ENAH: variants seen among roughly 807,000 people sequenced by gnomAD.
The protein encoded by ENAH is protein enabled homolog.
A neutral mutation model predicts 78.7 loss-of-function variants in ENAH; 23 were observed. That is an observed-to-expected ratio of 0.29 (90% confidence interval 0.21 to 0.41). The LOEUF (loss-of-function observed/expected upper bound fraction) is 0.41. Among genes scored for constraint, ENAH ranks in the 10% least tolerant of loss-of-function variants. The pLI is 1.00. For synonymous variants in ENAH, 226 were observed against 241.0 expected (o/e 0.94, Z 0.58); for missense variants, 544 against 691.0 (o/e 0.79, Z 2.39).
chr1:225,625,045 T>C (rs1657695904), intron 1 of ENAH, among the ~76,000 whole-genome samples: 2 of 147,156 alleles, frequency 1.4e-5, no homozygotes, highest in Non-Finnish European at 3.1e-5. Flanking sequence ...GGAATTCCAG[T>C]GTCCCTATTC....
chr1:225,530,681 T>C (rs950477565), intron 3 of ENAH, 43 bp from the exon 4 acceptor site: 2 of 1,418,438 alleles, frequency 1.4e-6, no homozygotes, highest in Non-Finnish European at 1.0e-6. Context: ...TATTTTCATA[T>C]CTAGCTGGAC....
At chr1:225,534,262 T>TC (rs2096551118) in intron 3 of ENAH, among the ~76,000 whole-genome samples, 1 of 152,068 alleles carries the variant, frequency 6.6e-6, no homozygotes, top group African/African-American at 2.4e-5. Flanking sequence ...ACACACTTAA[T>TC]CTGCAGTGTT....
chr1:225,591,001 G>T (rs527806824), intron 1 of ENAH, among the ~76,000 whole-genome samples: 1 of 152,206 alleles, frequency 6.6e-6, no homozygotes, highest in Admixed American at 6.5e-5. Flanking sequence ...TGGCTTCATT[G>T]GTCTTATTTT....
At position 225,629,588 on chromosome 1, in the gene ENAH, GAAAA is replaced by G. The variant is rs377579413; in HGVS notation, c.5+23094_5+23097del. On this transcript the variant is annotated intron_variant, in intron 1 of 13. Coordinates refer to ENST00000366843, the MANE Select transcript of ENAH (RefSeq NM_018212.6). ...GGCAACAGAGTGAGACACTGTCCCA[GAAAA>G]AAAAAAAAAAGTAGAAGGTGGGGAA... is the stretch of plus-strand genomic sequence containing the variant. 1.9e-3 allele frequency among the ~76,000 whole-genome samples: 230 copies of G among 123,478 alleles called. 2 individuals are homozygous for G. The highest frequency in any genetic ancestry group is 6.6e-3 in the African/African-American group (218 of 33,046). 81.0% of individuals were successfully genotyped at this position (123,478 alleles called of 152,430 possible). A position where few individuals can be genotyped will look rare whatever the true frequency, so the allele number is the denominator to read the frequency against.
intron 1 of ENAH, among the ~76,000 whole-genome samples, chr1:225,630,573 G>C (rs1163091730): frequency 6.6e-6 from 1 of 152,132 alleles, no homozygotes; most frequent in Non-Finnish European, 1.5e-5. Context: ...ACTCGAAATG[G>C]TTAAAATTGT....
intron 3 of ENAH, among the ~76,000 whole-genome samples, chr1:225,542,088 C>A (rs2096592089): frequency 6.6e-6 from 1 of 152,138 alleles, no homozygotes; most frequent in African/African-American, 2.4e-5. Flanking sequence ...CACTATGTTG[C>A]CCAAGCTGGT....
At chr1:225,536,736 AATT>A (rs1159171896) in intron 3 of ENAH, among the ~76,000 whole-genome samples, 1 of 152,048 alleles carries the variant, frequency 6.6e-6, no homozygotes, top group Non-Finnish European at 1.5e-5. Flanking sequence ...CATTTTTAGA[AATT>A]ATTTAACATA....
chr1:225,645,213 C>T (rs966417323), intron 1 of ENAH, among the ~76,000 whole-genome samples: 14 of 152,168 alleles, frequency 9.2e-5, no homozygotes, highest in Non-Finnish European at 2.1e-4. Context: ...AAACAACTCA[C>T]GTAAAAAGCA....
chr1:225,604,757 C>T (rs1309693563), intron 1 of ENAH, among the ~76,000 whole-genome samples: 1 of 152,036 alleles, frequency 6.6e-6, no homozygotes, highest in African/African-American at 2.4e-5. Flanking sequence ...TGCGCCATTG[C>T]ACTCCAGCCT....
chr1:225,516,735 G>A (rs752079776), intron 6 of ENAH, among the ~76,000 whole-genome samples: 70 of 151,914 alleles, frequency 4.6e-4, no homozygotes, highest in Non-Finnish European at 7.1e-4. Flanking sequence ...TTAGCCAGGC[G>A]TGGTGGCATG....
At chr1:225,507,171 C>G (rs552221571) in intron 11 of ENAH, among the ~76,000 whole-genome samples, 1 of 152,008 alleles carries the variant, frequency 6.6e-6, no homozygotes, top group African/African-American at 2.4e-5. Context: ...TATTAACTAG[C>G]CTTGTTTCTG....
chr1:225,624,997 T>C (rs944235906), intron 1 of ENAH, among the ~76,000 whole-genome samples: 2 of 152,198 alleles, frequency 1.3e-5, no homozygotes, highest in African/African-American at 2.4e-5. Flanking sequence ...GAGCTCATGG[T>C]GGAGAACTGT....
intron 4 of ENAH, 125 bp from the exon 5 acceptor site, chr1:225,519,690 T>C: frequency 7.2e-7 from 1 of 1,387,350 alleles, no homozygotes; most frequent in Non-Finnish European, 9.7e-7. Context: ...TGCAAACATC[T>C]CTCCTCCCAC....
chr1:225,603,288 A>T (rs1193755755), intron 1 of ENAH, among the ~76,000 whole-genome samples: 1 of 152,130 alleles, frequency 6.6e-6, no homozygotes, highest in African/African-American at 2.4e-5. Flanking sequence ...TTAAAAGCTC[A>T]AAAGTTTAAC....
intron 1 of ENAH, among the ~76,000 whole-genome samples, chr1:225,598,740 T>A (rs2096915184): frequency 1.3e-5 from 2 of 151,888 alleles, no homozygotes. Flanking sequence ...GGAATAGCAA[T>A]CTTAACACCC....
chr1:225,612,410 G>C (rs765761000), intron 1 of ENAH, among the ~76,000 whole-genome samples: 14 of 152,192 alleles, frequency 9.2e-5, no homozygotes, highest in Admixed American at 2.0e-4. Flanking sequence ...ATTCATGGCT[G>C]CCAGGGGTTG....
rs2096211394 is a variant in ENAH, at chr1:225,489,069, G to A, written c.*8706C>T. 1 of 152,194 alleles carries A rather than the reference G, an allele frequency of 6.6e-6. No homozygotes were observed. The highest frequency in any genetic ancestry group is 1.5e-5 in the Non-Finnish European group (1 of 68,042). 9.4% of individuals were successfully genotyped at this position (152,194 alleles called of 1,614,324 possible). On this transcript the variant is annotated 3_prime_UTR_variant, in exon 14 of 14. Coordinates refer to ENST00000366843, the MANE Select transcript of ENAH (RefSeq NM_018212.6). ...AATAAACAGCAGCACAGCAGGTTCA[G>A]ATGATATGAAAACCACTGAATTCTG...
At chr1:225,601,834 G>C (rs1283718110) in intron 1 of ENAH, among the ~76,000 whole-genome samples, 2 of 151,080 alleles carry the variant, frequency 1.3e-5, no homozygotes, top group Non-Finnish European at 2.9e-5. Context: ...TAAAAATCAG[G>C]AAACATTTAG....
intron 11 of ENAH, among the ~76,000 whole-genome samples, chr1:225,504,537 T>TCC (rs1446932107): frequency 6.6e-6 from 1 of 152,210 alleles, no homozygotes. Flanking sequence ...AACAATCTAC[T>TCC]CAGGGTGTTA....
Sources: allele counts gnomAD v4.1 joint callset (sites outside exome capture counted in the v4.1 genomes callset), GRCh38; gene constraint gnomAD v4.1.1; transcripts MANE v1.5; gene names NCBI Gene and HGNC (gene_info 2026-07-23, HGNC 2026-07-21).